The following NEGR1 variants were observed in gnomAD, a reference collection of about 807,000 sequenced individuals.
The protein encoded by NEGR1 is IgLON family member 4.
NEGR1 carries 10 observed loss-of-function variants against 40.9 expected under a neutral mutation model. The ratio of observed to expected loss-of-function variants is 0.24; its 90% CI spans 0.15 to 0.42. The LOEUF is 0.42. Ranked by LOEUF, NEGR1 falls within the 10% of genes least tolerant of loss-of-function variation. NEGR1 has a pLI of 1.00. For missense variants in NEGR1, 352 were observed against 438.9 expected, an observed-to-expected ratio of 0.80 and a Z score of 1.77; for synonymous variants, 185 against 166.8, an observed-to-expected ratio of 1.11 and a Z score of -0.84.
chr1:71,571,845 CT>C (rs1220998025), intron 6 of NEGR1, among the ~76,000 whole-genome samples: 2 of 148,578 alleles, frequency 1.3e-5, no homozygotes, highest in African/African-American at 5.0e-5. Flanking sequence ...AAAGCAGTTA[CT>C]TCACAGTTTT....
At chr1:71,498,423 G>A (rs896355720) in intron 6 of NEGR1, among the ~76,000 whole-genome samples, 5 of 151,754 alleles carry the variant, frequency 3.3e-5, no homozygotes, top group African/African-American at 1.2e-4. Context: ...CTTTTCTTCT[G>A]GATATAAAGA....
intron 6 of NEGR1, chr1:71,487,975 T>C (rs1038122034): frequency 3.3e-5 from 5 of 151,766 alleles, no homozygotes; most frequent in African/African-American, 1.2e-4. Context: ...TTCTGATGTT[T>C]TTTCTTGTGC....
intron 6 of NEGR1, among the ~76,000 whole-genome samples, chr1:71,562,409 C>T (rs1648490351): frequency 9.6e-6 from 1 of 104,224 alleles, no homozygotes; most frequent in Non-Finnish European, 2.3e-5. Flanking sequence ...AAATATATTA[C>T]ATTGCTTACC....
At chr1:72,241,366 T>C (rs190533225) in intron 1 of NEGR1, among the ~76,000 whole-genome samples, 2 of 150,930 alleles carry the variant, frequency 1.3e-5, no homozygotes, top group Non-Finnish European at 3.0e-5. Context: ...CTGTCCACTA[T>C]AGTTGCTAAC....
chr1:71,987,155 C>T (rs1238178477), intron 1 of NEGR1, among the ~76,000 whole-genome samples: 2 of 152,082 alleles, frequency 1.3e-5, no homozygotes, highest in Non-Finnish European at 2.9e-5. Context: ...ATTAGCCACA[C>T]TAGAATTCCT....
chr1:71,934,576 T>A (rs1284486237), intron 2 of NEGR1, among the ~76,000 whole-genome samples: 1 of 152,162 alleles, frequency 6.6e-6, no homozygotes, highest in Non-Finnish European at 1.5e-5. Context: ...TTACTGTGCA[T>A]ATTTCAAAAA....
chr1:71,577,204 T>C (rs1046534692), intron 6 of NEGR1, among the ~76,000 whole-genome samples: 6 of 152,220 alleles, frequency 3.9e-5, no homozygotes, highest in Non-Finnish European at 8.8e-5. Context: ...TATTCCTGCC[T>C]TTTTGGTGGA....
chr1:71,616,023 C>G (rs527530510), intron 4 of NEGR1, among the ~76,000 whole-genome samples: 1 of 152,310 alleles, frequency 6.6e-6, no homozygotes, highest in South Asian at 2.1e-4. Flanking sequence ...TCCAAGTTTA[C>G]ACCATTCTGA....
intron 3 of NEGR1, among the ~76,000 whole-genome samples, chr1:71,764,592 C>T (rs1841252): frequency 0.37 from 56,066 of 152,022 alleles, 11,724 homozygotes; most frequent in Middle Eastern, 0.59. Flanking sequence ...CCAGGAACTG[C>T]TAACGAATGT....
At chr1:71,785,933 A>G (rs1452681225) in intron 2 of NEGR1, among the ~76,000 whole-genome samples, 1 of 152,198 alleles carries the variant, frequency 6.6e-6, no homozygotes, top group Non-Finnish European at 1.5e-5. Context: ...GTTTTAGCAG[A>G]TTTTTATATC....
rs149580223 is a variant in NEGR1, at chr1:71,572,209, A to G, written c.940+20608T>C. 3.3e-4 allele frequency among the ~76,000 whole-genome samples: 51 copies of G among 152,256 alleles called. No homozygotes were observed. In the East Asian group the frequency reaches 9.7e-3, roughly 29 times the overall value. On this transcript the variant is annotated intron_variant, in intron 6 of 6. Coordinates refer to ENST00000357731, the MANE Select transcript of NEGR1 (RefSeq NM_173808.3). ...CCTCTGATCTCTGTTCCTTTTTCTT[A>G]ATCACAACTACAGAAATTACCCATT...
intron 2 of NEGR1, among the ~76,000 whole-genome samples, chr1:71,786,849 GAAAAC>G (rs560141576): frequency 6.6e-6 from 1 of 152,150 alleles, no homozygotes; most frequent in Non-Finnish European, 1.5e-5. Flanking sequence ...TCCAAACTGG[GAAAAC>G]AAAACAAAAC....
intron 3 of NEGR1, among the ~76,000 whole-genome samples, chr1:71,731,308 C>G (rs959333960): frequency 2.0e-5 from 3 of 152,242 alleles, no homozygotes; most frequent in Non-Finnish European, 4.4e-5. Flanking sequence ...TCCAGAAGCC[C>G]CCTCTACTCA....
At chr1:72,181,141 A>G (rs939156687) in intron 1 of NEGR1, among the ~76,000 whole-genome samples, 3 of 152,180 alleles carry the variant, frequency 2.0e-5, no homozygotes, top group African/African-American at 7.2e-5. Flanking sequence ...CTGATATTTT[A>G]GATGAGTTTA....
intron 6 of NEGR1, among the ~76,000 whole-genome samples, chr1:71,505,521 T>C (rs911786243): frequency 1.3e-5 from 2 of 152,086 alleles, no homozygotes; most frequent in Admixed American, 1.3e-4. Flanking sequence ...GACCTCGTGA[T>C]CCACCAGCCT....
chr1:71,973,559 G>C (rs1410072459), intron 1 of NEGR1, among the ~76,000 whole-genome samples: 1 of 152,082 alleles, frequency 6.6e-6, no homozygotes, highest in Non-Finnish European at 1.5e-5. Context: ...CAGAATGGAA[G>C]GGACAAAAAC....
chr1:72,081,440 C>T (rs1218922985), intron 1 of NEGR1, among the ~76,000 whole-genome samples: 1 of 151,982 alleles, frequency 6.6e-6, no homozygotes, highest in Non-Finnish European at 1.5e-5. Flanking sequence ...GTTATATAAC[C>T]CCAAATTACA....
At chr1:72,098,776 A>G (rs960218777) in intron 1 of NEGR1, among the ~76,000 whole-genome samples, 3 of 152,138 alleles carry the variant, frequency 2.0e-5, no homozygotes, top group African/African-American at 7.2e-5. Context: ...AATAACATCT[A>G]ATAACAGGTA....
At chr1:71,437,904 A>G (rs1646520146) in intron 6 of NEGR1, among the ~76,000 whole-genome samples, 2 of 152,322 alleles carry the variant, frequency 1.3e-5, no homozygotes, top group African/African-American at 4.8e-5. Context: ...GCTATATTAA[A>G]TATGCACTTC....
Sources: allele counts gnomAD v4.1 joint callset (sites outside exome capture counted in the v4.1 genomes callset), GRCh38; gene constraint gnomAD v4.1.1; transcripts MANE v1.5; gene names NCBI Gene and HGNC (gene_info 2026-07-23, HGNC 2026-07-21).